LRP1B: variants seen among roughly 807,000 people sequenced by gnomAD.
LRP1B encodes LDL receptor related protein 1B.
Under a neutral mutation model 556.6 loss-of-function variants are expected in LRP1B, and 217 were observed. The ratio of observed to expected loss-of-function variants is 0.39; its 90% CI spans 0.35 to 0.44. LRP1B has a LOEUF of 0.44. LRP1B is among the 20% of genes least tolerant of loss of function. The pLI is 1.00. For missense variants in LRP1B, 5,053 were observed against 5,620.8 expected, an observed-to-expected ratio of 0.90 and a Z score of 3.23; for synonymous variants, 2,047 against 1,865.8, an observed-to-expected ratio of 1.10 and a Z score of -2.50.
chr2:141,119,982 A>G (rs1401612877), intron 7 of LRP1B, among the ~76,000 whole-genome samples: 1 of 151,918 alleles, frequency 6.6e-6, no homozygotes, highest in Non-Finnish European at 1.5e-5. Context: ...TAGAGGAAAA[A>G]AAGTTTTATT....
intron 41 of LRP1B, among the ~76,000 whole-genome samples, chr2:140,640,258 T>C (rs959524206): frequency 3.6e-4 from 54 of 151,768 alleles, no homozygotes; most frequent in Non-Finnish European, 6.3e-4. Context: ...CTCGAAGTGC[T>C]GGGATTACAG....
rs185219520 is a variant in LRP1B at position 140,313,051 on chromosome 2, C to T, written c.12805+1884G>A. Reference sequence around the variant, plus strand: ...GAATTGCTCACTGGGATTTGTTTAACCAATTAACATTTGTGTGGAGATAAT... The same window carrying T: ...GAATTGCTCACTGGGATTTGTTTAATCAATTAACATTTGTGTGGAGATAAT... On this transcript the variant is annotated intron_variant, in intron 83 of 90. Transcript: ENST00000389484. 5.3e-5 allele frequency among the ~76,000 whole-genome samples: 8 copies of T among 151,978 alleles called. No individual in the cohort carries two copies. The East Asian group carries it at 1.5e-3, about 29-fold the overall frequency.
intron 3 of LRP1B, among the ~76,000 whole-genome samples, chr2:141,475,807 G>A (rs541953248): frequency 1.3e-5 from 2 of 152,136 alleles, no homozygotes; most frequent in East Asian, 1.9e-4. Context: ...GAACTCCAAG[G>A]GAAGATCATC....
chr2:141,182,801 G>T (rs1681063022), intron 7 of LRP1B, among the ~76,000 whole-genome samples: 1 of 151,642 alleles, frequency 6.6e-6, no homozygotes, highest in African/African-American at 2.4e-5. Flanking sequence ...AAGAAGTTAG[G>T]AAATCAACTT....
Position 141,299,130 on chromosome 2 carries a change from T to C in LRP1B, c.344-44489A>G, listed in dbSNP as rs1686296783. Among the ~76,000 whole-genome samples, 4 of 152,150 alleles carry C rather than the reference T, an allele frequency of 2.6e-5. No homozygotes were observed. The South Asian group carries it at 8.3e-4, about 32-fold the overall frequency. On this transcript the variant is annotated intron_variant, in intron 3 of 90. Transcript: ENST00000389484. ...GTGAAGATGGTCTTATGGAGAACAG[T>C]GTCCTCGAACTTCAGTATGGCTAAC...
intron 1 of LRP1B, among the ~76,000 whole-genome samples, chr2:141,949,613 C>A (rs915118343): frequency 7.2e-5 from 11 of 152,280 alleles, no homozygotes; most frequent in Non-Finnish European, 1.3e-4. Context: ...TGGTCTGTAT[C>A]TCTTGACCTG....
chr2:141,512,473 A>C (rs2105155124), intron 2 of LRP1B, among the ~76,000 whole-genome samples: 1 of 152,280 alleles, frequency 6.6e-6, no homozygotes, highest in Non-Finnish European at 1.5e-5. Context: ...TTTCTGTCTC[A>C]GTGTCAAAAA....
chr2:140,589,914 G>A (rs1682147426), intron 43 of LRP1B, among the ~76,000 whole-genome samples: 1 of 152,080 alleles, frequency 6.6e-6, no homozygotes, highest in Non-Finnish European at 1.5e-5. Context: ...TTGGAATGAA[G>A]GAAATGTTCT....
chr2:141,330,600 C>A (rs1358404153), intron 3 of LRP1B, among the ~76,000 whole-genome samples: 1 of 152,118 alleles, frequency 6.6e-6, no homozygotes, highest in Non-Finnish European at 1.5e-5. Context: ...CTCAAGTCTC[C>A]ACTCAACTTG....
intron 2 of LRP1B, among the ~76,000 whole-genome samples, chr2:141,702,072 G>A (rs1026632748): frequency 6.6e-6 from 1 of 151,838 alleles, no homozygotes; most frequent in East Asian, 1.9e-4. Flanking sequence ...AAGGAACTGG[G>A]GAATATCCTT....
At chr2:140,781,942 C>A (rs1055039488) in intron 32 of LRP1B, among the ~76,000 whole-genome samples, 5 of 152,182 alleles carry the variant, frequency 3.3e-5, no homozygotes, top group African/African-American at 1.2e-4. Context: ...CTCTTGAGAG[C>A]AAGGATCCTG....
At chr2:141,899,431 C>A (rs993044849) in intron 1 of LRP1B, among the ~76,000 whole-genome samples, 2 of 152,132 alleles carry the variant, frequency 1.3e-5, no homozygotes, top group African/African-American at 4.8e-5. Context: ...ATACACCTGT[C>A]TCTTTGCCTA....
chr2:140,857,187 T>C (rs1692645227), intron 27 of LRP1B, among the ~76,000 whole-genome samples: 1 of 152,188 alleles, frequency 6.6e-6, no homozygotes, highest in Non-Finnish European at 1.5e-5. Flanking sequence ...GTTCATGCAA[T>C]ATAAAATATG....
chr2:141,055,802 ATGTG>A (rs10664722), intron 9 of LRP1B, among the ~76,000 whole-genome samples: 8,750 of 145,480 alleles, frequency 0.06, 385 homozygotes, highest in African/African-American at 0.12. Context: ...TTACCACAAA[ATGTG>A]TGTGTGTGTG....
Position 140,352,969 on chromosome 2 carries a change from G to A in LRP1B, c.11634C>T (p.Asn3878=), listed in dbSNP as rs777474748. ...VCDQNFQERN[N]TCIAEGSEDQ... The stretch of plus-strand genomic sequence containing the variant: ...TAATCTTACCTTCTGCTATGCAGGT[G>A]TTATTTCTTTCTTGAAAATTCTGGT... Residue 3878 remains asparagine, a synonymous_variant, in exon 76 of 91, where the codon AAC becomes AAT. Coordinates refer to ENST00000389484, the MANE Select transcript of LRP1B (RefSeq NM_018557.3). 1 of 1,612,136 alleles carries A rather than the reference G, an allele frequency of 6.2e-7. No individual in the cohort carries two copies. The highest frequency in any genetic ancestry group is 8.5e-7 in the Non-Finnish European group (1 of 1,179,048).
intron 7 of LRP1B, among the ~76,000 whole-genome samples, chr2:141,067,036 T>G (rs1699498977): frequency 6.6e-6 from 1 of 151,988 alleles, no homozygotes; most frequent in African/African-American, 2.4e-5. Context: ...AGGTTTGCAT[T>G]AGGAACTTTA....
intron 3 of LRP1B, among the ~76,000 whole-genome samples, chr2:141,364,288 C>CAT (rs1486423622): frequency 1.3e-5 from 2 of 151,574 alleles, no homozygotes; most frequent in Non-Finnish European, 2.9e-5. Context: ...CACACACACA[C>CAT]ACACACGCAA....
chr2:140,422,340 A>G (rs1685481847), intron 66 of LRP1B, among the ~76,000 whole-genome samples: 1 of 152,216 alleles, frequency 6.6e-6, no homozygotes, highest in Non-Finnish European at 1.5e-5. Context: ...CAGTGTGAAC[A>G]CTGGTTTTAT....
intron 11 of LRP1B, among the ~76,000 whole-genome samples, chr2:141,027,895 C>A (rs1412079887): frequency 2.0e-5 from 3 of 152,090 alleles, no homozygotes; most frequent in African/African-American, 4.8e-5. Context: ...CAGTCTGCAA[C>A]CTGGAAGAGG....
Sources: gnomAD v4.1 joint callset for allele counts (sites outside exome capture counted in the v4.1 genomes callset) on GRCh38, gnomAD v4.1.1 for gene constraint, MANE v1.5 for transcripts, NCBI Gene and HGNC (gene_info 2026-07-23, HGNC 2026-07-21) for gene names.